Variants in PIWIL3 observed in about 807,000 individuals in gnomAD.
PIWIL3 encodes piwi-like protein 3.
In PIWIL3, 101 loss-of-function variants were observed where a neutral mutation model predicts 109.7. The observed-to-expected ratio is 0.92, with a 90% confidence interval of 0.78 to 1.09. The LOEUF is 1.09. Among genes scored for constraint, PIWIL3 ranks in the 50% least tolerant of loss-of-function variants. The pLI, the probability that PIWIL3 is intolerant of heterozygous loss-of-function variation, is 0.00. For missense variants in PIWIL3, 1,031 were observed against 1,072.6 expected, an observed-to-expected ratio of 0.96 and a Z score of 0.54; for synonymous variants, 373 against 376.4, an observed-to-expected ratio of 0.99 and a Z score of 0.10.
At chr22:24,772,873 A>G (rs1284885310) in intron 1 of PIWIL3, among the ~76,000 whole-genome samples, 1 of 152,158 alleles carries the variant, frequency 6.6e-6, no homozygotes, top group African/African-American at 2.4e-5. Flanking sequence ...CTGTGGGGAG[A>G]TCAGATGAGG....
intron 1 of PIWIL3, among the ~76,000 whole-genome samples, chr22:24,766,613 C>T (rs908198590): frequency 6.6e-6 from 1 of 152,066 alleles, no homozygotes; most frequent in Non-Finnish European, 1.5e-5. Flanking sequence ...TGAGCCACCG[C>T]GCCTGGCCTA....
At chr22:24,736,612 C>CTTCATAGGAACCAAACATCAGG (rs1923670552) in intron 12 of PIWIL3, among the ~76,000 whole-genome samples, 1 of 152,158 alleles carries the variant, frequency 6.6e-6, no homozygotes, top group Non-Finnish European at 1.5e-5. Flanking sequence ...AAGGGAGCAC[C>CTTCATAGGAACCAAACATCAGG]TTCATAGGAA....
chr22:24,730,935 T>A (rs1923313341), intron 14 of PIWIL3, among the ~76,000 whole-genome samples: 1 of 152,184 alleles, frequency 6.6e-6, no homozygotes, highest in Non-Finnish European at 1.5e-5. Flanking sequence ...GAATATACGT[T>A]TGTGGCAGGC....
chr22:24,738,987 G>C (rs1201867014), intron 12 of PIWIL3, among the ~76,000 whole-genome samples: 1 of 152,088 alleles, frequency 6.6e-6, no homozygotes, highest in Non-Finnish European at 1.5e-5. Flanking sequence ...AGAAAGAATT[G>C]GGAATTCTAG....
Position 24,721,936 on chromosome 22 carries a change from C to A in PIWIL3, c.2357+1194G>T, listed in dbSNP as rs558986759. Among the ~76,000 whole-genome samples the A allele has an allele frequency of 2.0e-5, 3 of 152,332 alleles. 1 individual carries two copies. Among genetic ancestry groups the A allele is most frequent in the African/African-American group, 7.2e-5 (3 of 41,568 alleles). The stretch of plus-strand genomic sequence containing the variant: ...GGAATTACTTCCTTGTGTCCATGAA[C>A]AACAGAGCTGACTATACGAAACTAT... On this transcript the variant is annotated intron_variant, in intron 19 of 20. Transcript: ENST00000616349.
At chr22:24,726,335 T>G (rs1922994319) in intron 16 of PIWIL3, among the ~76,000 whole-genome samples, 2 of 151,680 alleles carry the variant, frequency 1.3e-5, no homozygotes, top group African/African-American at 4.8e-5. Context: ...CAGGCTGGAG[T>G]GCAGTGGCGT....
chr22:24,732,206 C>T (rs2147661348), intron 14 of PIWIL3, among the ~76,000 whole-genome samples: 1 of 152,346 alleles, frequency 6.6e-6, no homozygotes, highest in Admixed American at 6.5e-5. Context: ...GCCTTTACCT[C>T]ATGCCACATG....
chr22:24,740,400 T>A (rs1923931739), intron 12 of PIWIL3, among the ~76,000 whole-genome samples: 1 of 150,772 alleles, frequency 6.6e-6, no homozygotes, highest in African/African-American at 2.4e-5. Context: ...CACAAAAAAT[T>A]AGCCAGACAT....
intron 18 of PIWIL3, among the ~76,000 whole-genome samples, chr22:24,723,958 G>A (rs1250353544): frequency 4.6e-5 from 7 of 152,074 alleles, no homozygotes; most frequent in South Asian, 2.1e-4. Flanking sequence ...GATTACAGGC[G>A]TGAGCCACCA....
At chr22:24,745,559 C>T (rs749719302) in intron 12 of PIWIL3, among the ~76,000 whole-genome samples, 13 of 151,404 alleles carry the variant, frequency 8.6e-5, no homozygotes, top group Non-Finnish European at 1.8e-4. Flanking sequence ...AATAAATAAA[C>T]AAACAAACAA....
At chr22:24,752,515 C>T (rs1264185081) in intron 8 of PIWIL3, among the ~76,000 whole-genome samples, 1 of 152,054 alleles carries the variant, frequency 6.6e-6, no homozygotes, top group Admixed American at 6.5e-5. Flanking sequence ...CTCCTCAAGC[C>T]CCTCTATAAA....
At chr22:24,773,628 A>T (rs972459022) in intron 1 of PIWIL3, among the ~76,000 whole-genome samples, 9 of 152,124 alleles carry the variant, frequency 5.9e-5, no homozygotes, top group South Asian at 2.1e-4. Flanking sequence ...AAGTAGGTAC[A>T]CATATACATA....
At chr22:24,762,740 G>A (rs187253499) in intron 1 of PIWIL3, among the ~76,000 whole-genome samples, 301 of 152,320 alleles carry the variant, frequency 2.0e-3, no homozygotes, top group Non-Finnish European at 3.6e-3. Context: ...AAGTGGGGGA[G>A]AGATGTGGAC....
chr22:24,722,531 G>A (rs149391105), intron 19 of PIWIL3, among the ~76,000 whole-genome samples: 2,867 of 152,102 alleles, frequency 0.019, 90 homozygotes, highest in African/African-American at 0.065. Flanking sequence ...TGGCCAACAC[G>A]GTGAAACCCC....
chr22:24,738,570 C>T (rs1923799733), intron 12 of PIWIL3, among the ~76,000 whole-genome samples: 2 of 152,232 alleles, frequency 1.3e-5, no homozygotes, highest in African/African-American at 4.8e-5. Flanking sequence ...AGTAAGCAAA[C>T]AAGACTCTCT....
At chr22:24,740,321 G>A (rs990252754) in intron 12 of PIWIL3, among the ~76,000 whole-genome samples, 3 of 151,678 alleles carry the variant, frequency 2.0e-5, no homozygotes, top group Admixed American at 6.6e-5. Flanking sequence ...GCCCGAGGCG[G>A]GTGGATCACA....
Position 24,759,915 on chromosome 22 carries a change from C to A in PIWIL3, c.177G>T (p.Gln59His). The change falls in exon 3 of 21, where the codon CAG becomes CAT. Residue 59 changes from glutamine to histidine, a missense_variant. By Grantham distance (24) the Gln-to-His change is conservative. Coordinates refer to ENST00000616349, the MANE Select transcript of PIWIL3 (RefSeq NM_001255975.1). Reference sequence around the variant, plus strand: ...CTGCTCCTCCTCTTGCTGCTCTTGGCTGCAGAGGTCTAACCACTGGGACTT... The same window carrying A: ...CTGCTCCTCCTCTTGCTGCTCTTGGATGCAGAGGTCTAACCACTGGGACTT... ...QEEVPVVRPL[Q>H]PRAARGGAGG... 6.2e-7 allele frequency: 1 copy of A among 1,614,180 alleles called. No homozygotes were observed. Among genetic ancestry groups the A allele is most frequent in the Non-Finnish European group, 8.5e-7 (1 of 1,180,028 alleles).
At chr22:24,740,787 A>T (rs1388083178) in intron 12 of PIWIL3, among the ~76,000 whole-genome samples, 2 of 152,172 alleles carry the variant, frequency 1.3e-5, no homozygotes, top group African/African-American at 4.8e-5. Context: ...GCCACCAAAA[A>T]AAGTCCAGGA....
intron 12 of PIWIL3, among the ~76,000 whole-genome samples, chr22:24,747,857 A>G (rs1924464447): frequency 6.6e-6 from 1 of 152,172 alleles, no homozygotes; most frequent in Non-Finnish European, 1.5e-5. Flanking sequence ...TATAACCACT[A>G]TGGAGAACAG....
Sources: gnomAD v4.1 joint callset for allele counts (sites outside exome capture counted in the v4.1 genomes callset) on GRCh38, gnomAD v4.1.1 for gene constraint, MANE v1.5 for transcripts, NCBI Gene and HGNC (gene_info 2026-07-23, HGNC 2026-07-21) for gene names.